Variants in DPP10 observed in about 807,000 individuals in gnomAD.
The protein encoded by DPP10 is dipeptidyl peptidase like 10.
Under a neutral mutation model 120.9 loss-of-function variants are expected in DPP10, and 33 were observed. That is an observed-to-expected ratio of 0.27 (90% CI 0.21 to 0.37). The LOEUF (loss-of-function observed/expected upper bound fraction) is 0.37. Ranked by LOEUF, DPP10 falls within the 10% of genes least tolerant of loss-of-function variation. The pLI is 1.00. For missense variants in DPP10, 816 were observed against 942.8 expected (o/e 0.87, Z 1.76); for synonymous variants, 337 against 326.1 (o/e 1.03, Z -0.36).
chr2:115,508,930 A>G (rs1428306856), intron 4 of DPP10, among the ~76,000 whole-genome samples: 1 of 152,126 alleles, frequency 6.6e-6, no homozygotes, highest in Non-Finnish European at 1.5e-5. Context: ...AGAAATGAAG[A>G]TGACTGCAGA....
intron 1 of DPP10, among the ~76,000 whole-genome samples, chr2:114,597,547 C>T (rs1054452142): frequency 1.3e-5 from 2 of 151,914 alleles, no homozygotes; most frequent in African/African-American, 4.8e-5. Context: ...GAAATGAAGG[C>T]TGCGGCTATA....
chr2:115,683,921 G>A (rs1055715193), intron 5 of DPP10, among the ~76,000 whole-genome samples: 1 of 151,672 alleles, frequency 6.6e-6, no homozygotes, highest in African/African-American at 2.4e-5. Flanking sequence ...AGTTATACTA[G>A]CTGTGTATAA....
At chr2:115,816,425 C>T (rs1311007721) in intron 21 of DPP10, among the ~76,000 whole-genome samples, 1 of 152,122 alleles carries the variant, frequency 6.6e-6, no homozygotes, top group South Asian at 2.1e-4. Flanking sequence ...GCAAGTATCG[C>T]AATCTTAGGA....
At chr2:115,625,975 A>G (rs985089392) in intron 5 of DPP10, among the ~76,000 whole-genome samples, 4 of 151,662 alleles carry the variant, frequency 2.6e-5, no homozygotes, top group African/African-American at 7.3e-5. Flanking sequence ...AGATATCTCT[A>G]TATCTGTTTG....
intron 1 of DPP10, among the ~76,000 whole-genome samples, chr2:114,486,146 A>G (rs956261221): frequency 6.6e-6 from 1 of 152,138 alleles, no homozygotes; most frequent in Admixed American, 6.6e-5. Context: ...TCAACGCTGT[A>G]GTACTGCCAT....
At chr2:115,186,538 G>T (rs11675397) in intron 1 of DPP10, among the ~76,000 whole-genome samples, 2 of 151,962 alleles carry the variant, frequency 1.3e-5, no homozygotes, top group Admixed American at 1.3e-4. Context: ...TCTTCCTGGA[G>T]GAGGTGACCT....
At chr2:114,696,132 A>C (rs1443034027) in intron 1 of DPP10, among the ~76,000 whole-genome samples, 2 of 152,074 alleles carry the variant, frequency 1.3e-5, no homozygotes, top group African/African-American at 4.8e-5. Context: ...TACAAGTGTA[A>C]CAGTATGGCT....
intron 1 of DPP10, among the ~76,000 whole-genome samples, chr2:114,921,852 ATGAG>A (rs747311420): frequency 6.6e-6 from 1 of 152,234 alleles, no homozygotes; most frequent in Non-Finnish European, 1.5e-5. Flanking sequence ...GCATGAATGA[ATGAG>A]TGAGTGCATG....
intron 1 of DPP10, among the ~76,000 whole-genome samples, chr2:114,825,631 T>C (rs1474170): frequency 0.71 from 107,487 of 152,160 alleles, 41,603 homozygotes; most frequent in East Asian, 0.97. Flanking sequence ...TAATGATTCA[T>C]TGAAGCATTC....
intron 5 of DPP10, among the ~76,000 whole-genome samples, chr2:115,638,022 T>G (rs531297460): frequency 6.6e-6 from 1 of 152,346 alleles, no homozygotes; most frequent in South Asian, 2.1e-4. Context: ...CTGTAGCCTC[T>G]GAGGATTAAT....
chr2:115,577,144 T>G (rs1241231801), intron 5 of DPP10, among the ~76,000 whole-genome samples: 13 of 152,194 alleles, frequency 8.5e-5, no homozygotes, highest in Non-Finnish European at 1.2e-4. Context: ...GGTTTCTACT[T>G]ATGAGAAATT....
At chr2:115,729,528 G>A (rs955044492) in intron 8 of DPP10, among the ~76,000 whole-genome samples, 2 of 152,174 alleles carry the variant, frequency 1.3e-5, no homozygotes, top group Non-Finnish European at 2.9e-5. Flanking sequence ...AGCTGTGGGA[G>A]GCCAAGGTGG....
intron 3 of DPP10, among the ~76,000 whole-genome samples, chr2:115,443,542 A>G (rs188045941): frequency 6.6e-6 from 1 of 152,320 alleles, no homozygotes; most frequent in East Asian, 1.9e-4. Flanking sequence ...TACATTTATG[A>G]TTATAGATAG....
At chr2:114,535,947 A>T (rs1048444417) in intron 1 of DPP10, among the ~76,000 whole-genome samples, 2 of 152,012 alleles carry the variant, frequency 1.3e-5, no homozygotes, top group Non-Finnish European at 2.9e-5. Flanking sequence ...AGGCAATTTC[A>T]TACTGCTGTG....
intron 1 of DPP10, among the ~76,000 whole-genome samples, chr2:115,121,823 G>A (rs2104740026): frequency 6.6e-6 from 1 of 152,248 alleles, no homozygotes; most frequent in East Asian, 1.9e-4. Flanking sequence ...GACTGAGGAG[G>A]CTAATTTGAG....
At chr2:115,495,402 TACA>T (rs1368508955) in intron 3 of DPP10, among the ~76,000 whole-genome samples, 1 of 146,156 alleles carries the variant, frequency 6.8e-6, no homozygotes, top group Non-Finnish European at 1.5e-5. Flanking sequence ...CGTTCTGATT[TACA>T]ACGTTAAGTT....
At chr2:115,764,415 A>T (rs531902933) in intron 12 of DPP10, among the ~76,000 whole-genome samples, 1 of 152,180 alleles carries the variant, frequency 6.6e-6, no homozygotes, top group African/African-American at 2.4e-5. Flanking sequence ...GTCAATGTAC[A>T]AAATAAAATA....
chr2:115,833,937 T>G (rs1378633453), intron 21 of DPP10, among the ~76,000 whole-genome samples: 4 of 152,186 alleles, frequency 2.6e-5, no homozygotes, highest in African/African-American at 9.6e-5. Context: ...TTATTTTTCT[T>G]TCTTAGGTAG....
At chr2:114,588,461 A>G (rs1287760990) in intron 1 of DPP10, among the ~76,000 whole-genome samples, 1 of 152,216 alleles carries the variant, frequency 6.6e-6, no homozygotes, top group Non-Finnish European at 1.5e-5. Context: ...CAGGATGACT[A>G]TAGTTAACAA....
Sources: gnomAD v4.1 joint callset for allele counts (sites outside exome capture counted in the v4.1 genomes callset) on GRCh38, gnomAD v4.1.1 for gene constraint, MANE v1.5 for transcripts, NCBI Gene and HGNC (gene_info 2026-07-23, HGNC 2026-07-21) for gene names.